The following CDH9 variants were observed in gnomAD, a reference collection of about 807,000 sequenced individuals.
CDH9 encodes the protein cadherin-9.
A neutral mutation model predicts 70.9 loss-of-function variants in CDH9; 28 were observed. The observed-to-expected ratio is 0.40, with a 90% CI of 0.29 to 0.54. The LOEUF (loss-of-function observed/expected upper bound fraction) is 0.54. Among genes scored for constraint, CDH9 ranks in the 20% least tolerant of loss-of-function variants. The pLI, the probability that CDH9 is intolerant of heterozygous loss-of-function variation, is 0.59. For missense variants in CDH9, 874 were observed against 984.4 expected, an observed-to-expected ratio of 0.89 and a Z score of 1.50; for synonymous variants, 409 against 343.1, an observed-to-expected ratio of 1.19 and a Z score of -2.12.
At position 26,957,003 on chromosome 5, in the gene CDH9, T is replaced by TG. The variant is rs1491096510; in HGVS notation, c.228+31102_228+31103insC. Among the ~76,000 whole-genome samples the TG allele has an allele frequency of 9.4e-4, 3 of 3,188 alleles. No homozygotes were observed. In the East Asian group the frequency reaches 0.38, roughly 398 times the overall value. 2.1% of individuals were successfully genotyped at this position (3,188 alleles called of 152,430 possible). A position where few individuals can be genotyped will look rare whatever the true frequency, so the allele number is the denominator to read the frequency against. ...GCAATGCAGTTGTCTTTCCATGTGC[T>TG]TTTTTTTTTTTTCATTTCACTTTGG... On this transcript the variant is annotated intron_variant, in intron 2 of 11. Coordinates refer to ENST00000231021, the MANE Select transcript of CDH9 (RefSeq NM_016279.4).
chr5:26,936,055 G>A (rs1360832964), intron 2 of CDH9, among the ~76,000 whole-genome samples: 1 of 152,054 alleles, frequency 6.6e-6, no homozygotes, highest in Non-Finnish European at 1.5e-5. Context: ...CTATAAGGAT[G>A]TGAAGGCGTG....
At chr5:26,966,900 C>G (rs1742138413) in intron 2 of CDH9, among the ~76,000 whole-genome samples, 1 of 152,008 alleles carries the variant, frequency 6.6e-6, no homozygotes. Flanking sequence ...GTCTCATCTT[C>G]TCTCTGCTTT....
intron 1 of CDH9, among the ~76,000 whole-genome samples, chr5:27,033,530 A>G (rs1743343934): frequency 6.6e-6 from 1 of 151,488 alleles, no homozygotes; most frequent in South Asian, 2.1e-4. Flanking sequence ...AATTTCAACT[A>G]AGTTTACTCT....
intron 1 of CDH9, among the ~76,000 whole-genome samples, chr5:27,024,478 G>A (rs1212360810): frequency 6.6e-6 from 1 of 151,936 alleles, no homozygotes. Context: ...ACCTTCCTAA[G>A]AGTCTAGGCA....
intron 1 of CDH9, among the ~76,000 whole-genome samples, chr5:27,028,724 A>T (rs180863120): frequency 1.1e-3 from 167 of 152,174 alleles, no homozygotes; most frequent in Non-Finnish European, 1.8e-3. Flanking sequence ...GATATAAATG[A>T]AAAACCATAT....
At chr5:26,913,774 TG>T (rs1467629736) in intron 3 of CDH9, among the ~76,000 whole-genome samples, 5 of 151,724 alleles carry the variant, frequency 3.3e-5, no homozygotes, top group Non-Finnish European at 7.4e-5. Flanking sequence ...TGTGTGTGTG[TG>T]TGTGTGTGTG....
intron 7 of CDH9, chr5:26,890,771 T>G (rs1740646655): frequency 2.0e-6 from 1 of 498,250 alleles, no homozygotes; most frequent in South Asian, 2.7e-5. Context: ...TTATCCTATG[T>G]GTACTTTAGA....
At chr5:26,983,500 C>T (rs1378127200) in intron 2 of CDH9, among the ~76,000 whole-genome samples, 1 of 152,148 alleles carries the variant, frequency 6.6e-6, no homozygotes, top group East Asian at 1.9e-4. Flanking sequence ...AAAAATAAAA[C>T]ATGGAGCTAT....
At position 26,894,196 on chromosome 5, in the gene CDH9, G is replaced by A. The variant is rs1385000127; in HGVS notation, c.1254-3632C>T. 2.0e-5 allele frequency among the ~76,000 whole-genome samples: 3 copies of A among 152,218 alleles called. No homozygotes were observed. The South Asian group carries it at 6.2e-4, about 32-fold the overall frequency. ...CAATAGTTAACCATTACCTGCTTAT[G>A]TCTGAATAGATCTTGGATTTCTTCC... is the stretch of plus-strand genomic sequence containing the variant. On this transcript the variant is annotated intron_variant, in intron 7 of 11. Transcript: ENST00000231021.
chr5:26,897,958 A>C (rs2111982123), intron 7 of CDH9, among the ~76,000 whole-genome samples: 1 of 152,288 alleles, frequency 6.6e-6, no homozygotes, highest in South Asian at 2.1e-4. Flanking sequence ...TTAACCTGAT[A>C]AGCAATTTCA....
chr5:27,027,087 T>C (rs1188991552), intron 1 of CDH9, among the ~76,000 whole-genome samples: 1 of 152,004 alleles, frequency 6.6e-6, no homozygotes, highest in Non-Finnish European at 1.5e-5. Flanking sequence ...AATTTTATTA[T>C]TATTGACTTA....
intron 1 of CDH9, among the ~76,000 whole-genome samples, chr5:27,013,068 A>G (rs181138924): frequency 3.7e-4 from 56 of 152,014 alleles, no homozygotes; most frequent in African/African-American, 5.1e-4. Flanking sequence ...ATTTGTTAAA[A>G]TAATCAATTT....
In CDH9 at chr5:26,906,095, G is replaced by C; in HGVS notation, c.675C>G (p.Ser225Arg). 1 of 1,613,092 alleles carries C rather than the reference G, an allele frequency of 6.2e-7. No homozygotes were observed. ...CCTGGTACTGCTCTCTATTTTCTCT[G>C]CTCATGTCTGGTAATGCAGTTTTTA... ...GIIKTALPDM[S>R]RENREQYQVV... The change falls in exon 5 of 12, where the codon AGC (serine) becomes AGG (arginine). Residue 225 changes from serine to arginine, a missense_variant. Physicochemically the swap from Ser to Arg is moderately radical, Grantham distance 110. Transcript: ENST00000231021.
At chr5:26,942,550 A>G (rs575706372) in intron 2 of CDH9, among the ~76,000 whole-genome samples, 7 of 152,166 alleles carry the variant, frequency 4.6e-5, no homozygotes, top group Non-Finnish European at 1.0e-4. Flanking sequence ...AGTTGCCTTA[A>G]ACTGGACTGT....
chr5:26,900,477 T>A (rs7730670), intron 7 of CDH9, among the ~76,000 whole-genome samples: 143,547 of 152,130 alleles, frequency 0.94, 68,271 homozygotes, highest in East Asian at 1. Context: ...TTGGTGACCT[T>A]GAAGGGGCAT....
At chr5:26,930,855 G>A (rs1263268452) in intron 2 of CDH9, among the ~76,000 whole-genome samples, 1 of 151,538 alleles carries the variant, frequency 6.6e-6, no homozygotes. Flanking sequence ...TTAGAATAGT[G>A]TGTTTCACTT....
At chr5:27,016,751 A>G (rs1408154190) in intron 1 of CDH9, among the ~76,000 whole-genome samples, 1 of 151,822 alleles carries the variant, frequency 6.6e-6, no homozygotes, top group East Asian at 1.9e-4. Flanking sequence ...TAAGCTTTTT[A>G]TTTGTGAGAT....
rs1156544715 is a variant in CDH9, at chr5:27,016,901, A to G, written c.-50+21562T>C. Among the ~76,000 whole-genome samples the G allele has an allele frequency of 3.3e-5, 5 of 152,036 alleles. No individual in the cohort carries two copies. In the East Asian group the frequency reaches 7.8e-4, roughly 24 times the overall value. On this transcript the variant is annotated intron_variant, in intron 1 of 11. Transcript: ENST00000231021. ...TATAGTTTTCTAAAGTGTTGTGTCC[A>G]TATCACTTGGAGCTCTGAAATCCGG...
At chr5:26,902,885 T>C in intron 6 of CDH9, 156 bp from the exon 7 acceptor site, 1 of 571,994 alleles carries the variant, frequency 1.7e-6, no homozygotes, top group Non-Finnish European at 3.1e-6. Flanking sequence ...AATTTATAAA[T>C]ATATGTTTTG....
Sources: allele counts gnomAD v4.1 joint callset (sites outside exome capture counted in the v4.1 genomes callset), GRCh38; gene constraint gnomAD v4.1.1; transcripts MANE v1.5; gene names NCBI Gene and HGNC (gene_info 2026-07-23, HGNC 2026-07-21).